The following PLD1 variants were observed in gnomAD, a reference collection of about 807,000 sequenced individuals.
PLD1 encodes the protein phospholipase D1, also known as choline phosphatase 1.
Under a neutral mutation model 137.1 loss-of-function variants are expected in PLD1, and 112 were observed. The ratio of observed to expected loss-of-function variants is 0.82; its 90% CI spans 0.70 to 0.96. PLD1 has a LOEUF of 0.96. PLD1 is among the 40% of genes least tolerant of loss of function. The pLI is 0.00. For synonymous variants in PLD1, 431 were observed against 454.7 expected (o/e 0.95, Z 0.66); for missense variants, 1,321 against 1,342.0 (o/e 0.98, Z 0.24).
At chr3:171,693,791 A>G (rs1715429800) in intron 12 of PLD1, among the ~76,000 whole-genome samples, 1 of 152,160 alleles carries the variant, frequency 6.6e-6, no homozygotes, top group South Asian at 2.1e-4. Flanking sequence ...CATAATAAAA[A>G]ATAATTTTGT....
intron 19 of PLD1, among the ~76,000 whole-genome samples, chr3:171,667,370 TTGAG>T (rs552279294): frequency 3.9e-4 from 60 of 152,338 alleles, no homozygotes; most frequent in African/African-American, 1.3e-3. Context: ...ACTTTTCTAG[TTGAG>T]TGTCAGCCAT....
At chr3:171,799,346 A>C (rs1723556954) in intron 1 of PLD1, among the ~76,000 whole-genome samples, 1 of 150,344 alleles carries the variant, frequency 6.7e-6, no homozygotes, top group African/African-American at 2.5e-5. Flanking sequence ...CTAAAAAAAA[A>C]AAAAAAAAAA....
At chr3:171,676,653 T>C (rs1713385925) in intron 18 of PLD1, 62 bp downstream of exon 18, 1 of 1,273,662 alleles carries the variant, frequency 7.9e-7, no homozygotes. Context: ...CCTCTAAACC[T>C]CTTCTCTAGT....
In PLD1 at chr3:171,639,844, C is replaced by CTATATA. The variant is rs1365797079; in HGVS notation, c.2593+2995_2593+2996insTATATA. Among the ~76,000 whole-genome samples the CTATATA allele has an allele frequency of 1.3e-3, 151 of 113,470 alleles. 2 individuals carry two copies. The highest frequency in any genetic ancestry group is 8.2e-3 in the East Asian group (34 of 4,132). The allele number at this position is 113,470 out of a possible 152,430, so 74.4% of individuals were successfully genotyped here. ...TTTCTCTCTCTCTCTCTCTCTCTCTCTCTCTATATATATATATATATCTCC... is the reference window on the plus strand; with the variant it reads ...TTTCTCTCTCTCTCTCTCTCTCTCTCTATATATCTCTATATATATATATATATCTCC... On this transcript the variant is annotated intron_variant, in intron 23 of 26. Transcript: ENST00000351298.
intron 12 of PLD1, among the ~76,000 whole-genome samples, chr3:171,694,991 A>G (rs1265195206): frequency 6.6e-6 from 1 of 152,238 alleles, no homozygotes; most frequent in Non-Finnish European, 1.5e-5. Context: ...TATGTGGTTT[A>G]TAATTATTTA....
intron 23 of PLD1, among the ~76,000 whole-genome samples, chr3:171,622,130 T>C (rs1322302165): frequency 6.6e-6 from 1 of 152,234 alleles, no homozygotes; most frequent in African/African-American, 2.4e-5. Flanking sequence ...AAGTTTAAGA[T>C]ACAAAGCAGC....
intron 6 of PLD1, among the ~76,000 whole-genome samples, 168 bp from the exon 7 acceptor site, chr3:171,726,244 A>G (rs974915296): frequency 1.4e-4 from 21 of 152,224 alleles, no homozygotes; most frequent in Non-Finnish European, 5.9e-5. Flanking sequence ...TTAGGAGTAT[A>G]TAAACAATGA....
intron 12 of PLD1, among the ~76,000 whole-genome samples, chr3:171,694,271 A>G (rs1715479723): frequency 6.6e-6 from 1 of 152,074 alleles, no homozygotes; most frequent in Non-Finnish European, 1.5e-5. Flanking sequence ...ATGTCATACT[A>G]TTTCTCTGGT....
intron 1 of PLD1, chr3:171,792,046 T>G (rs1289931431): frequency 1.3e-5 from 2 of 152,712 alleles, no homozygotes; most frequent in Non-Finnish European, 2.9e-5. Flanking sequence ...CTAGTCTACC[T>G]GTAGACTGTG....
chr3:171,646,394 C>T (rs1390849345), intron 21 of PLD1, among the ~76,000 whole-genome samples: 2 of 152,098 alleles, frequency 1.3e-5, no homozygotes, highest in Middle Eastern at 3.2e-3. Context: ...GATTTTATTA[C>T]TGATGTCTCT....
intron 13 of PLD1, among the ~76,000 whole-genome samples, chr3:171,689,170 G>A (rs1446981367): frequency 6.6e-6 from 1 of 151,726 alleles, no homozygotes; most frequent in Non-Finnish European, 1.5e-5. Context: ...CAATTTGAAA[G>A]CTGGTTCCCT....
At chr3:171,663,177 C>T (rs1324227170) in intron 19 of PLD1, among the ~76,000 whole-genome samples, 1 of 152,248 alleles carries the variant, frequency 6.6e-6, no homozygotes, top group Non-Finnish European at 1.5e-5. Flanking sequence ...CTCACATCTA[C>T]TTCAGTTTAT....
At chr3:171,688,432 T>C (rs904149998) in intron 14 of PLD1, among the ~76,000 whole-genome samples, 4 of 152,198 alleles carry the variant, frequency 2.6e-5, no homozygotes, top group Non-Finnish European at 2.9e-5. Flanking sequence ...CAGCCAAAAT[T>C]CCACTGAATC....
At chr3:171,689,675 G>T (rs1204500086) in intron 13 of PLD1, among the ~76,000 whole-genome samples, 1 of 151,998 alleles carries the variant, frequency 6.6e-6, no homozygotes, top group African/African-American at 2.4e-5. Context: ...TAATCTTTTT[G>T]TTTTTTGTAG....
At chr3:171,741,398 C>T (rs1179846156) in intron 1 of PLD1, among the ~76,000 whole-genome samples, 3 of 152,212 alleles carry the variant, frequency 2.0e-5, no homozygotes, top group African/African-American at 7.2e-5. Flanking sequence ...ACTATCTACG[C>T]TCCTATGTTG....
rs191129389 is a variant in PLD1 at position 171,767,273 on chromosome 3, C to T, written c.-31-29191G>A. The stretch of plus-strand genomic sequence containing the variant: ...GCCTGGCCACTACTGGTCTCATTTA[C>T]GGGCCATGGGCAACCTCTATATCCT... On this transcript the variant is annotated intron_variant, in intron 1 of 26. Coordinates refer to ENST00000351298, the MANE Select transcript of PLD1 (RefSeq NM_002662.5). Among the ~76,000 whole-genome samples, 28 of 152,272 alleles carry T rather than the reference C, an allele frequency of 1.8e-4. No individual in the cohort carries two copies. In the East Asian group the frequency reaches 4.1e-3, roughly 22 times the overall value.
At chr3:171,766,467 TAGAG>T (rs1721982083) in intron 1 of PLD1, among the ~76,000 whole-genome samples, 2 of 152,102 alleles carry the variant, frequency 1.3e-5, no homozygotes, top group African/African-American at 4.8e-5. Flanking sequence ...AACACACACA[TAGAG>T]AGGTATATTT....
At chr3:171,749,989 A>T (rs1286862159) in intron 1 of PLD1, among the ~76,000 whole-genome samples, 1 of 152,234 alleles carries the variant, frequency 6.6e-6, no homozygotes, top group East Asian at 1.9e-4. Flanking sequence ...TCAACAAAAA[A>T]TCCCAACTCT....
At position 171,602,988 on chromosome 3, in the gene PLD1, G is replaced by A; in HGVS notation, c.*90C>T. ...TTGGGTTGGATACGAGAATGCGTCAGGCCTGGCTTTGGCTATGACATCCCC... is the reference window on the plus strand; with the variant it reads ...TTGGGTTGGATACGAGAATGCGTCAAGCCTGGCTTTGGCTATGACATCCCC... On this transcript the variant is annotated 3_prime_UTR_variant, in exon 27 of 27. Coordinates refer to ENST00000351298, the MANE Select transcript of PLD1 (RefSeq NM_002662.5). The A allele has an allele frequency of 1.1e-6, 1 of 916,360 alleles. No homozygotes were observed. Among genetic ancestry groups the A allele is most frequent in the South Asian group, 1.4e-5 (1 of 70,466 alleles). The allele number at this position is 916,360 out of a possible 1,614,324, so 56.8% of individuals were successfully genotyped here.
Sources: gnomAD v4.1 joint callset for allele counts (sites outside exome capture counted in the v4.1 genomes callset) on GRCh38, gnomAD v4.1.1 for gene constraint, MANE v1.5 for transcripts, NCBI Gene and HGNC (gene_info 2026-07-23, HGNC 2026-07-21) for gene names.